PRKN: variants seen among roughly 807,000 people sequenced by gnomAD.
The protein encoded by PRKN is E3 ubiquitin-protein ligase parkin.
Under a neutral mutation model 59.5 loss-of-function variants are expected in PRKN, and 56 were observed. The ratio of observed to expected loss-of-function variants is 0.94; its 90% CI spans 0.76 to 1.18. The LOEUF is 1.18. Among genes scored for constraint, PRKN ranks in the 50% most tolerant of loss-of-function variants. The probability of loss-of-function intolerance (pLI) is 0.00; values close to 1 mark genes in which losing one functional copy is unlikely to be tolerated. For synonymous variants in PRKN, 250 were observed against 222.1 expected, an observed-to-expected ratio of 1.13 and a Z score of -1.12; for missense variants, 657 against 596.4, an observed-to-expected ratio of 1.10 and a Z score of -1.06.
At chr6:162,586,331 T>C (rs577782458) in intron 1 of PRKN, among the ~76,000 whole-genome samples, 165 of 152,354 alleles carry the variant, frequency 1.1e-3, no homozygotes, top group African/African-American at 3.6e-3. Context: ...TTATTGTGTT[T>C]CAATAGTTAG....
chr6:162,581,076 G>A (rs1780772283), intron 1 of PRKN, among the ~76,000 whole-genome samples: 1 of 152,094 alleles, frequency 6.6e-6, no homozygotes, highest in African/African-American at 2.4e-5. Context: ...GTTCAATGAG[G>A]GTGTCACCAC....
intron 4 of PRKN, among the ~76,000 whole-genome samples, chr6:162,157,826 A>G (rs1003463433): frequency 5.3e-5 from 8 of 152,016 alleles, no homozygotes; most frequent in Admixed American, 4.6e-4. Flanking sequence ...TACTCTTGTT[A>G]GGCATGCATA....
chr6:161,809,045 T>C (rs1791453915), intron 6 of PRKN, among the ~76,000 whole-genome samples: 1 of 152,126 alleles, frequency 6.6e-6, no homozygotes, highest in African/African-American at 2.4e-5. Context: ...TTCTACTTGT[T>C]GCCAAGGCTG....
At chr6:162,450,220 A>G (rs1424389345) in intron 1 of PRKN, among the ~76,000 whole-genome samples, 1 of 151,690 alleles carries the variant, frequency 6.6e-6, no homozygotes, top group Non-Finnish European at 1.5e-5. Context: ...GAGGTGAAGT[A>G]TAATGCCCCT....
chr6:161,461,289 G>A lies in PRKN; in HGVS notation c.1084-74412C>T, dbSNP rs567793039. 6.6e-6 allele frequency among the ~76,000 whole-genome samples: 1 copy of A among 152,170 alleles called. No individual in the cohort carries two copies. On this transcript the variant is annotated intron_variant, in intron 9 of 11. Transcript: ENST00000366898. The surrounding 1 kb of genome is among the most constrained non-coding windows in gnomAD (Gnocchi z 5.1). Reference sequence around the variant, plus strand: ...TGGTTCAACATGAGTTAAGTATAAGGTGTCGCTGGAGATGAGGGGGATGGT... The same window carrying A: ...TGGTTCAACATGAGTTAAGTATAAGATGTCGCTGGAGATGAGGGGGATGGT...
chr6:162,588,708 C>T (rs372383944), intron 1 of PRKN, among the ~76,000 whole-genome samples: 8 of 152,070 alleles, frequency 5.3e-5, no homozygotes, highest in Non-Finnish European at 7.4e-5. Context: ...CCCGCCACCA[C>T]GCCCGGGTAA....
At chr6:161,742,142 G>C (rs1788216918) in intron 7 of PRKN, among the ~76,000 whole-genome samples, 1 of 151,886 alleles carries the variant, frequency 6.6e-6, no homozygotes, top group Non-Finnish European at 1.5e-5. Context: ...GCTAATTTTT[G>C]TATTTTTAGT....
chr6:161,713,433 G>A (rs1583041921), intron 7 of PRKN, among the ~76,000 whole-genome samples: 1 of 152,124 alleles, frequency 6.6e-6, no homozygotes, highest in East Asian at 1.9e-4. Context: ...CCAATCTGGA[G>A]GCTCTCTAGG....
intron 6 of PRKN, among the ~76,000 whole-genome samples, chr6:161,912,161 G>C (rs1300386713): frequency 2.0e-5 from 3 of 147,118 alleles, no homozygotes; most frequent in Admixed American, 6.8e-5. Context: ...CTGGACGACA[G>C]AGGAGAATCT....
chr6:162,046,355 G>A (rs983951889), intron 5 of PRKN, among the ~76,000 whole-genome samples: 2 of 152,178 alleles, frequency 1.3e-5, no homozygotes, highest in African/African-American at 2.4e-5. Context: ...CATAAAGTGC[G>A]ATACAAACTA....
intron 1 of PRKN, among the ~76,000 whole-genome samples, chr6:162,711,582 A>G (rs1009264028): frequency 1.3e-5 from 2 of 152,114 alleles, no homozygotes; most frequent in Non-Finnish European, 2.9e-5. Context: ...ATACAAATTC[A>G]TAGGCTTCTC....
chr6:162,484,286 G>A (rs556672575), intron 1 of PRKN, among the ~76,000 whole-genome samples: 1 of 152,164 alleles, frequency 6.6e-6, no homozygotes, highest in Non-Finnish European at 1.5e-5. Flanking sequence ...AATGTTAGGT[G>A]AAGAATACGG....
chr6:162,113,483 A>G (rs1020691219), intron 4 of PRKN, among the ~76,000 whole-genome samples: 8 of 152,036 alleles, frequency 5.3e-5, no homozygotes, highest in Admixed American at 5.2e-4. Context: ...ATTACCCTCC[A>G]CCTGTTGGAA....
At chr6:161,743,541 G>A (rs966709659) in intron 7 of PRKN, among the ~76,000 whole-genome samples, 5 of 151,860 alleles carry the variant, frequency 3.3e-5, no homozygotes, top group African/African-American at 9.7e-5. Context: ...GAGCCACTGC[G>A]CCTGGACTTG....
chr6:161,726,929 G>C (rs979666547), intron 7 of PRKN, among the ~76,000 whole-genome samples: 2 of 152,156 alleles, frequency 1.3e-5, no homozygotes, highest in East Asian at 3.9e-4. Context: ...ATACTGGCCA[G>C]TCACATCTGA....
At chr6:162,496,327 T>A (rs1793063701) in intron 1 of PRKN, among the ~76,000 whole-genome samples, 1 of 152,196 alleles carries the variant, frequency 6.6e-6, no homozygotes, top group South Asian at 2.1e-4. Context: ...TATACTTGCA[T>A]GAGTAACTTC....
chr6:162,043,270 G>A (rs1425529728), intron 5 of PRKN, among the ~76,000 whole-genome samples: 4 of 152,198 alleles, frequency 2.6e-5, no homozygotes, highest in Non-Finnish European at 5.9e-5. Context: ...TGGGGATATA[G>A]CCAAACCATA....
chr6:161,625,868 A>G (rs1176938619), intron 7 of PRKN, among the ~76,000 whole-genome samples: 1 of 152,164 alleles, frequency 6.6e-6, no homozygotes, highest in African/African-American at 2.4e-5. Context: ...AAATTTCCTT[A>G]CAAAGGGCCT....
At chr6:162,576,423 G>A (rs1022803777) in intron 1 of PRKN, among the ~76,000 whole-genome samples, 1 of 152,148 alleles carries the variant, frequency 6.6e-6, no homozygotes, top group Non-Finnish European at 1.5e-5. Context: ...CAAGGGGTGG[G>A]CAATAGACAC....
Sources: gnomAD v4.1 joint callset for allele counts (sites outside exome capture counted in the v4.1 genomes callset) on GRCh38, gnomAD v4.1.1 for gene constraint, Gnocchi (gnomAD v3.1) non-coding constraint, MANE v1.5 for transcripts, NCBI Gene and HGNC (gene_info 2026-07-23, HGNC 2026-07-21) for gene names.